Variants in CAMKMT observed in about 807,000 individuals in gnomAD.
CAMKMT encodes calmodulin-lysine N-methyltransferase.
In CAMKMT, 53 loss-of-function variants were observed where a neutral mutation model predicts 48.0. The ratio of observed to expected loss-of-function variants is 1.10; its 90% CI spans 0.89 to 1.39. The LOEUF (loss-of-function observed/expected upper bound fraction) is 1.39. CAMKMT is among the 40% of genes most tolerant of loss of function. CAMKMT has a pLI of 0.00. For missense variants in CAMKMT, 428 were observed against 402.7 expected, an observed-to-expected ratio of 1.06 and a Z score of -0.54; for synonymous variants, 165 against 152.3, an observed-to-expected ratio of 1.08 and a Z score of -0.61.
intron 3 of CAMKMT, among the ~76,000 whole-genome samples, chr2:44,460,618 G>A (rs1379907895): frequency 2.0e-5 from 3 of 151,908 alleles, no homozygotes; most frequent in Non-Finnish European, 2.9e-5. Context: ...GGACACTGGT[G>A]ATGTGGTTGT....
intron 3 of CAMKMT, among the ~76,000 whole-genome samples, chr2:44,410,723 A>C (rs866844249): frequency 3.3e-5 from 5 of 152,328 alleles, no homozygotes; most frequent in Middle Eastern, 6.8e-3. Flanking sequence ...AAATAACTTC[A>C]TTAACAAGTG....
At chr2:44,590,747 C>A (rs1051337428) in intron 3 of CAMKMT, among the ~76,000 whole-genome samples, 2 of 151,970 alleles carry the variant, frequency 1.3e-5, no homozygotes, top group African/African-American at 2.4e-5. Context: ...TGCAGAAGCT[C>A]TTTAGTTTAA....
rs1674220540 is a variant in CAMKMT at position 44,653,874 on chromosome 2, A to G, written c.377-50409A>G. On this transcript the variant is annotated intron_variant, in intron 3 of 10. Transcript: ENST00000378494. The surrounding 1 kb of genome is among the most constrained non-coding windows in gnomAD (Gnocchi z 5.2). Reference sequence around the variant, plus strand: ...CAATTAATATTTGTTGAGTGAAAGAATGAAACCAAAACTGTCACATTTTAG... The same window carrying G: ...CAATTAATATTTGTTGAGTGAAAGAGTGAAACCAAAACTGTCACATTTTAG... 6.6e-6 allele frequency among the ~76,000 whole-genome samples: 1 copy of G among 152,244 alleles called. No individual in the cohort carries two copies.
At position 44,388,592 on chromosome 2, in the gene CAMKMT, A is replaced by T. The variant is rs142131984; in HGVS notation, c.312-1649A>T. Among the ~76,000 whole-genome samples the T allele has an allele frequency of 3.1e-4, 47 of 152,218 alleles. No individual in the cohort carries two copies. In the East Asian group the frequency reaches 8.9e-3, roughly 29 times the overall value. On this transcript the variant is annotated intron_variant, in intron 2 of 10. Transcript: ENST00000378494. ...GGGTGCTAAAGAGCCTTGTTTAGTC[A>T]CATTAACAGGGTTGTTTTTCTGGTT...
chr2:44,581,506 C>T (rs1364920742), intron 3 of CAMKMT, among the ~76,000 whole-genome samples: 1 of 152,164 alleles, frequency 6.6e-6, no homozygotes, highest in Non-Finnish European at 1.5e-5. Flanking sequence ...TCTAAGGTTT[C>T]ATCCAACTGG....
At chr2:44,637,236 A>G (rs1395192978) in intron 3 of CAMKMT, among the ~76,000 whole-genome samples, 1 of 152,252 alleles carries the variant, frequency 6.6e-6, no homozygotes, top group Non-Finnish European at 1.5e-5. Flanking sequence ...AAGTCATTTC[A>G]GTAGTAATGC....
At chr2:44,623,785 G>A (rs906920613) in intron 3 of CAMKMT, among the ~76,000 whole-genome samples, 2 of 152,044 alleles carry the variant, frequency 1.3e-5, no homozygotes, top group Admixed American at 6.6e-5. Flanking sequence ...ATTCCCACAT[G>A]TCCCTTTTCA....
intron 3 of CAMKMT, among the ~76,000 whole-genome samples, chr2:44,684,470 T>A (rs527634157): frequency 1.3e-5 from 2 of 152,018 alleles, no homozygotes; most frequent in East Asian, 3.9e-4. Flanking sequence ...ACGAATTTTA[T>A]CATAGCAAAG....
chr2:44,377,676 G>A (rs1158057409), intron 2 of CAMKMT, among the ~76,000 whole-genome samples: 1 of 152,106 alleles, frequency 6.6e-6, no homozygotes, highest in African/African-American at 2.4e-5. Context: ...GTTTGAAGAA[G>A]ACTACTGTTA....
In CAMKMT at chr2:44,515,046, C is replaced by A. The variant is rs185864539; in HGVS notation, c.376+124741C>A. 2.1e-3 allele frequency among the ~76,000 whole-genome samples: 314 copies of A among 152,268 alleles called. 7 individuals carry two copies. The highest frequency in any genetic ancestry group is 0.019 in the Admixed American group (283 of 15,290). On this transcript the variant is annotated intron_variant, in intron 3 of 10. Transcript: ENST00000378494. ...AGGCCAAGAGGCAAATAAAGCTGACCTGATATACTTTTGTGTCTTAATCTC... is the reference window on the plus strand; with the variant it reads ...AGGCCAAGAGGCAAATAAAGCTGACATGATATACTTTTGTGTCTTAATCTC...
chr2:44,423,733 A>G (rs1684082884), intron 3 of CAMKMT, among the ~76,000 whole-genome samples: 1 of 152,188 alleles, frequency 6.6e-6, no homozygotes, highest in South Asian at 2.1e-4. Context: ...TCAGTTTTTA[A>G]AATCAAAGTA....
intron 3 of CAMKMT, among the ~76,000 whole-genome samples, chr2:44,697,120 C>T (rs570431303): frequency 7.3e-4 from 111 of 152,202 alleles, no homozygotes; most frequent in Non-Finnish European, 1.2e-3. Context: ...AGGAAATAAT[C>T]GATGATACTT....
chr2:44,598,462 A>G (rs1670796058), intron 3 of CAMKMT, among the ~76,000 whole-genome samples: 1 of 151,736 alleles, frequency 6.6e-6, no homozygotes, highest in African/African-American at 2.4e-5. Flanking sequence ...AGATATATAC[A>G]CTGTGCATTT....
At chr2:44,368,093 C>A (rs578030150) in intron 1 of CAMKMT, among the ~76,000 whole-genome samples, 1 of 152,032 alleles carries the variant, frequency 6.6e-6, no homozygotes, top group South Asian at 2.1e-4. Context: ...TTTTCTTCTT[C>A]TGATACTTAA....
intron 3 of CAMKMT, among the ~76,000 whole-genome samples, chr2:44,406,242 G>C (rs958530276): frequency 6.6e-6 from 1 of 151,752 alleles, no homozygotes; most frequent in Non-Finnish European, 1.5e-5. Context: ...TGCTCCAAAA[G>C]TTCCTAACCA....
intron 3 of CAMKMT, among the ~76,000 whole-genome samples, chr2:44,620,323 A>G (rs1359492048): frequency 6.6e-6 from 1 of 151,814 alleles, no homozygotes; most frequent in Non-Finnish European, 1.5e-5. Context: ...ACTGTTGGAC[A>G]TTTCAACCAC....
At chr2:44,572,567 C>A (rs1277247433) in intron 3 of CAMKMT, among the ~76,000 whole-genome samples, 1 of 152,176 alleles carries the variant, frequency 6.6e-6, no homozygotes, top group African/African-American at 2.4e-5. Flanking sequence ...CGTCTGTTGG[C>A]TGTTACGAGT....
At chr2:44,372,134 G>T (rs1040532174) in intron 1 of CAMKMT, among the ~76,000 whole-genome samples, 2 of 152,058 alleles carry the variant, frequency 1.3e-5, no homozygotes, top group Non-Finnish European at 2.9e-5. Flanking sequence ...CATATCCCCA[G>T]GAGAAAAGTG....
At chr2:44,721,998 A>G (rs1678487780) in intron 7 of CAMKMT, among the ~76,000 whole-genome samples, 1 of 152,194 alleles carries the variant, frequency 6.6e-6, no homozygotes. Context: ...ATGGAAGTGT[A>G]TAATATGTGG....
Sources: gnomAD v4.1 joint callset for allele counts (sites outside exome capture counted in the v4.1 genomes callset) on GRCh38, gnomAD v4.1.1 for gene constraint, Gnocchi (gnomAD v3.1) non-coding constraint, MANE v1.5 for transcripts, NCBI Gene and HGNC (gene_info 2026-07-23, HGNC 2026-07-21) for gene names.